DAGLB: variants seen among roughly 807,000 people sequenced by gnomAD.
The protein encoded by DAGLB is diacylglycerol lipase-beta.
A neutral mutation model predicts 72.1 loss-of-function variants in DAGLB; 66 were observed. That is an observed-to-expected ratio of 0.92 (90% CI 0.75 to 1.12). The LOEUF (loss-of-function observed/expected upper bound fraction) is 1.12. Among genes scored for constraint, DAGLB ranks in the 50% most tolerant of loss-of-function variants. DAGLB has a pLI of 0.00. For missense variants in DAGLB, 1,065 were observed against 884.9 expected (o/e 1.20, Z -2.58); for synonymous variants, 414 against 359.5 (o/e 1.15, Z -1.71).
intron 11 of DAGLB, among the ~76,000 whole-genome samples, chr7:6,414,252 T>C (rs1343183813): frequency 5.3e-5 from 8 of 151,802 alleles, no homozygotes; most frequent in Admixed American, 4.6e-4. Context: ...CCTCATGATC[T>C]GCCGGCCTTG....
intron 13 of DAGLB, among the ~76,000 whole-genome samples, chr7:6,411,960 A>G (rs1228565890): frequency 8.9e-6 from 1 of 112,518 alleles, no homozygotes; most frequent in Non-Finnish European, 1.7e-5. Flanking sequence ...GCCTCACTCT[A>G]TCCAACAGGC....
Position 6,409,567 on chromosome 7 carries a change from A to G in DAGLB, c.*270T>C. On this transcript the variant is annotated 3_prime_UTR_variant, in exon 15 of 15. Coordinates refer to ENST00000297056, the MANE Select transcript of DAGLB (RefSeq NM_139179.4). ...CCTCAGACAGCCAAGGGATCCATCCACGGGCCAGGGCTTCCCGAGGCTGTC... is the reference window on the plus strand; with the variant it reads ...CCTCAGACAGCCAAGGGATCCATCCGCGGGCCAGGGCTTCCCGAGGCTGTC... The G allele has an allele frequency of 2.0e-6, 1 of 512,556 alleles. No individual in the cohort carries two copies. The highest frequency in any genetic ancestry group is 2.2e-5 in the South Asian group (1 of 45,224). 31.8% of individuals were successfully genotyped at this position (512,556 alleles called of 1,614,324 possible).
chr7:6,415,427 G>A (rs1300791724), intron 11 of DAGLB, among the ~76,000 whole-genome samples: 1 of 151,834 alleles, frequency 6.6e-6, no homozygotes, highest in African/African-American at 2.4e-5. Context: ...TTACAGGCAT[G>A]AGCCACCACG....
Position 6,430,652 on chromosome 7 carries a change from G to A in DAGLB, c.802-45C>T, listed in dbSNP as rs368616171. 40 of 1,486,912 alleles carry A rather than the reference G, an allele frequency of 2.7e-5. No homozygotes were observed. The African/African-American group carries it at 4.8e-4, about 18-fold the overall frequency. The allele number at this position is 1,486,912 out of a possible 1,614,324, so 92.1% of individuals were successfully genotyped here. A position where few individuals can be genotyped will look rare whatever the true frequency, so the allele number is the denominator to read the frequency against. On this transcript the variant is annotated intron_variant, in intron 5 of 14. Coordinates refer to ENST00000297056, the MANE Select transcript of DAGLB (RefSeq NM_139179.4). The stretch of plus-strand genomic sequence containing the variant: ...ACTACTGTTTATTAAGGGAACTCCT[G>A]ACACAGAGGATCAACACACTGAGAC...
chr7:6,447,658 G>A, intron 1 of DAGLB, 90 bp downstream of exon 1: 11 of 1,493,096 alleles, frequency 7.4e-6, no homozygotes, highest in Non-Finnish European at 9.0e-6. Context: ...ACAGTGCTTG[G>A]GAAGCCACTT....
rs1349970858 is a variant in DAGLB at position 6,410,878 on chromosome 7, GTATTTTTTTTTTTT to G, written c.1570-512_1570-499del. Among the ~76,000 whole-genome samples the G allele has an allele frequency of 1.4e-4, 16 of 112,776 alleles. 1 individual carries two copies. Among genetic ancestry groups the G allele is most frequent in the Admixed American group, 1.1e-3 (11 of 10,286 alleles). 74.0% of individuals were successfully genotyped at this position (112,776 alleles called of 152,430 possible). On this transcript the variant is annotated intron_variant, in intron 13 of 14. Coordinates refer to ENST00000297056, the MANE Select transcript of DAGLB (RefSeq NM_139179.4). ...TGCCACCATGCCCGGCTAATTTTTT[GTATTTTTTTTTTTT>G]TTTTTTTTTTGAGACGGAGTCTCAC...
At position 6,444,099 on chromosome 7, in the gene DAGLB, T is replaced by C. The variant is rs141007232; in HGVS notation, c.247+1854A>G. ...CTAAGCTATATAGCAAGACCCTGTC[T>C]CTACAAAAAATAAAAATAAAAAAAA... On this transcript the variant is annotated intron_variant, in intron 2 of 14. Transcript: ENST00000297056. 1.2e-3 allele frequency among the ~76,000 whole-genome samples: 184 copies of C among 151,984 alleles called. 2 individuals are homozygous for C. The East Asian group carries it at 0.03, about 25-fold the overall frequency.
Position 6,412,900 on chromosome 7 carries a change from C to A in DAGLB, c.1497-17G>T. 6.2e-7 allele frequency: 1 copy of A among 1,611,328 alleles called. No homozygotes were observed. Among genetic ancestry groups the A allele is most frequent in the Non-Finnish European group, 8.5e-7 (1 of 1,178,710 alleles). ...ACACTGAGCCTGTTTAGCAAAGGGG[C>A]ACACTGAGGCTGGGACCTGGCACTC... On this transcript the variant is annotated splice_polypyrimidine_tract_variant and intron_variant, in intron 12 of 14. Coordinates refer to ENST00000297056, the MANE Select transcript of DAGLB (RefSeq NM_139179.4).
At chr7:6,436,947 C>T (rs1348523624) in intron 2 of DAGLB, among the ~76,000 whole-genome samples, 5 of 151,790 alleles carry the variant, frequency 3.3e-5, no homozygotes, top group African/African-American at 9.7e-5. Context: ...GTCAGGAGTT[C>T]GAGACCAGCC....
At chr7:6,424,346 C>T (rs368772305) in intron 8 of DAGLB, among the ~76,000 whole-genome samples, 5 of 152,226 alleles carry the variant, frequency 3.3e-5, no homozygotes, top group South Asian at 4.1e-4. Context: ...GAGCCTCCAG[C>T]GGGGCTGGTG....
intron 11 of DAGLB, 118 bp downstream of exon 11, chr7:6,416,509 C>T: frequency 1.4e-6 from 2 of 1,468,244 alleles, no homozygotes; most frequent in Non-Finnish European, 9.1e-7. Flanking sequence ...CGCCACTGCA[C>T]TCCAGCCTGG....
At chr7:6,428,153 T>C (rs976108928) in intron 6 of DAGLB, among the ~76,000 whole-genome samples, 1 of 151,952 alleles carries the variant, frequency 6.6e-6, no homozygotes, top group Non-Finnish European at 1.5e-5. Context: ...TCGACCAGCC[T>C]GGCCAACACA....
At chr7:6,434,279 C>T (rs1784583697) in intron 4 of DAGLB, among the ~76,000 whole-genome samples, 1 of 152,004 alleles carries the variant, frequency 6.6e-6, no homozygotes, top group Admixed American at 6.6e-5. Flanking sequence ...GAAGAACTCG[C>T]TCTAGAATGA....
At chr7:6,446,646 T>C (rs1447907020) in intron 1 of DAGLB, among the ~76,000 whole-genome samples, 1 of 152,040 alleles carries the variant, frequency 6.6e-6, no homozygotes, top group African/African-American at 2.4e-5. Flanking sequence ...TCTTCCTGCC[T>C]TGGCCTCCCA....
At position 6,429,209 on chromosome 7, in the gene DAGLB, T is replaced by C. The variant is rs536413224; in HGVS notation, c.929+1271A>G. Among the ~76,000 whole-genome samples, 377 of 150,302 alleles carry C rather than the reference T, an allele frequency of 2.5e-3. 1 individual carries two copies. The highest frequency in any genetic ancestry group is 9.0e-3 in the African/African-American group (361 of 39,964). The stretch of plus-strand genomic sequence containing the variant: ...GGACAAACTGGCATCATGTATCCCC[T>C]GATATGATACACTAGGAAGGATGGT... On this transcript the variant is annotated intron_variant, in intron 6 of 14. Coordinates refer to ENST00000297056, the MANE Select transcript of DAGLB (RefSeq NM_139179.4).
At chr7:6,413,120 G>A (rs1783787114) in intron 11 of DAGLB, 86 bp from the exon 12 acceptor site, 1 of 1,424,936 alleles carries the variant, frequency 7.0e-7, no homozygotes, top group Non-Finnish European at 9.7e-7. Flanking sequence ...TAACACTGAG[G>A]GGTTAGGTTC....
At chr7:6,417,007 C>G (rs1783940169) in intron 9 of DAGLB, 86 bp from the exon 10 acceptor site, 5 of 1,442,534 alleles carry the variant, frequency 3.5e-6, no homozygotes, top group Non-Finnish European at 4.8e-6. Flanking sequence ...ACGCTGTGCA[C>G]TGATGTGTGA....
At chr7:6,441,213 C>T (rs1784820247) in intron 2 of DAGLB, among the ~76,000 whole-genome samples, 1 of 150,482 alleles carries the variant, frequency 6.6e-6, no homozygotes, top group Non-Finnish European at 1.5e-5. Flanking sequence ...GGCTCAGCCT[C>T]CCAAGTAGCT....
At chr7:6,433,339 C>T (rs991945790) in intron 4 of DAGLB, among the ~76,000 whole-genome samples, 1 of 152,142 alleles carries the variant, frequency 6.6e-6, no homozygotes, top group Admixed American at 6.6e-5. Context: ...TCTCAAGATG[C>T]TGGGAAGGTT....
Sources: allele counts gnomAD v4.1 joint callset (sites outside exome capture counted in the v4.1 genomes callset), GRCh38; gene constraint gnomAD v4.1.1; transcripts MANE v1.5; gene names NCBI Gene and HGNC (gene_info 2026-07-23, HGNC 2026-07-21).